AHCYL2: variants seen among roughly 807,000 people sequenced by gnomAD.
AHCYL2 encodes the protein adenosylhomocysteinase like 2.
AHCYL2 carries 28 observed loss-of-function variants against 81.4 expected under a neutral mutation model. The ratio of observed to expected loss-of-function variants is 0.34; its 90% CI spans 0.25 to 0.47. The LOEUF is 0.47. Among genes scored for constraint, AHCYL2 ranks in the 20% least tolerant of loss-of-function variants. The probability of loss-of-function intolerance (pLI) is 1.00; values close to 1 mark genes in which losing one functional copy is unlikely to be tolerated. For synonymous variants in AHCYL2, 272 were observed against 290.2 expected (o/e 0.94, Z 0.64); for missense variants, 551 against 785.1 (o/e 0.70, Z 3.56).
At chr7:129,411,452 A>AT (rs1177716833) in intron 11 of AHCYL2, among the ~76,000 whole-genome samples, 7 of 152,094 alleles carry the variant, frequency 4.6e-5, no homozygotes, top group Admixed American at 6.5e-5. Flanking sequence ...AAAAATAATA[A>AT]TTTTTTTTAA....
chr7:129,252,071 G>T (rs545849621), intron 1 of AHCYL2, among the ~76,000 whole-genome samples: 2 of 151,902 alleles, frequency 1.3e-5, no homozygotes, highest in Non-Finnish European at 2.9e-5. Context: ...TCTGATTATC[G>T]AGCTGAGCCC....
At chr7:129,389,011 G>C (rs1456950674) in intron 2 of AHCYL2, 45 bp from the exon 3 acceptor site, 1 of 1,581,940 alleles carries the variant, frequency 6.3e-7, no homozygotes, top group Admixed American at 1.9e-5. Flanking sequence ...AATTTTAGAG[G>C]AAGCATTTTT....
chr7:129,238,637 C>CT (rs1323144210), intron 1 of AHCYL2, among the ~76,000 whole-genome samples: 2 of 151,954 alleles, frequency 1.3e-5, no homozygotes, highest in Admixed American at 6.6e-5. Flanking sequence ...GAGGTGAAAC[C>CT]CAAGAGGTTT....
chr7:129,232,421 G>A (rs1020974701), intron 1 of AHCYL2, among the ~76,000 whole-genome samples: 1 of 152,142 alleles, frequency 6.6e-6, no homozygotes, highest in Non-Finnish European at 1.5e-5. Context: ...GCCAACACCC[G>A]TGCTGCTCTG....
chr7:129,330,346 C>T (rs1798373986), intron 1 of AHCYL2, among the ~76,000 whole-genome samples: 1 of 151,568 alleles, frequency 6.6e-6, no homozygotes, highest in South Asian at 2.1e-4. Flanking sequence ...AATAAAGTAA[C>T]AAAAGAATGA....
intron 1 of AHCYL2, among the ~76,000 whole-genome samples, chr7:129,332,162 G>A (rs1032796850): frequency 2.6e-5 from 4 of 152,210 alleles, no homozygotes; most frequent in African/African-American, 9.6e-5. Flanking sequence ...TGTCAGCAGT[G>A]GAAATAGTTG....
chr7:129,232,481 A>G (rs1470221048), intron 1 of AHCYL2, among the ~76,000 whole-genome samples: 3 of 152,126 alleles, frequency 2.0e-5, no homozygotes, highest in African/African-American at 4.8e-5. Flanking sequence ...ACCACTTTGG[A>G]TCTCACAATC....
chr7:129,366,074 T>C (rs1460121165), intron 1 of AHCYL2, among the ~76,000 whole-genome samples: 1 of 152,168 alleles, frequency 6.6e-6, no homozygotes, highest in African/African-American at 2.4e-5. Flanking sequence ...TTATCAGAGT[T>C]GACACTCTGA....
intron 1 of AHCYL2, among the ~76,000 whole-genome samples, chr7:129,309,100 C>T (rs556714196): frequency 4.6e-5 from 7 of 152,122 alleles, no homozygotes; most frequent in South Asian, 4.1e-4. Context: ...GGCGTGGCGG[C>T]GGGCACCTGT....
intron 1 of AHCYL2, among the ~76,000 whole-genome samples, chr7:129,270,494 C>T (rs1277057227): frequency 1.3e-5 from 2 of 152,138 alleles, no homozygotes; most frequent in African/African-American, 4.8e-5. Flanking sequence ...GGAAAGAACA[C>T]TCAAGATTCC....
intron 1 of AHCYL2, among the ~76,000 whole-genome samples, chr7:129,332,204 T>C (rs1401085235): frequency 6.6e-6 from 1 of 150,456 alleles, no homozygotes. Flanking sequence ...TTTTGTCTCT[T>C]CTTTTATTAT....
chr7:129,344,908 A>G (rs185637603), intron 1 of AHCYL2, among the ~76,000 whole-genome samples: 1 of 152,306 alleles, frequency 6.6e-6, no homozygotes, highest in Admixed American at 6.5e-5. Context: ...TAATCCCAGC[A>G]CTTTGGGAGG....
At chr7:129,383,786 G>T (rs942578787) in intron 2 of AHCYL2, among the ~76,000 whole-genome samples, 1 of 151,970 alleles carries the variant, frequency 6.6e-6, no homozygotes, top group African/African-American at 2.4e-5. Context: ...CGAGACCTTT[G>T]TACCTGTTCC....
chr7:129,352,761 G>A (rs946135105), intron 1 of AHCYL2, among the ~76,000 whole-genome samples: 1 of 151,876 alleles, frequency 6.6e-6, no homozygotes, highest in African/African-American at 2.4e-5. Flanking sequence ...TATCTCATTG[G>A]TCTTCCCTTC....
chr7:129,273,406 G>A (rs79231686), intron 1 of AHCYL2, among the ~76,000 whole-genome samples: 35,602 of 133,168 alleles, frequency 0.27, 4,358 homozygotes, highest in South Asian at 0.4. Flanking sequence ...TTGGCTCACC[G>A]CAACCTCTGC....
chr7:129,302,903 T>C (rs1004036580), intron 1 of AHCYL2, among the ~76,000 whole-genome samples: 2 of 152,212 alleles, frequency 1.3e-5, no homozygotes, highest in Admixed American at 6.5e-5. Context: ...ACCTCCATTT[T>C]TTGGAATTGT....
intron 1 of AHCYL2, among the ~76,000 whole-genome samples, chr7:129,244,522 A>G (rs545329626): frequency 7.2e-4 from 109 of 152,308 alleles, no homozygotes; most frequent in African/African-American, 2.4e-3. Flanking sequence ...ATCAGATTCA[A>G]TGTCTGGTGT....
intron 1 of AHCYL2, among the ~76,000 whole-genome samples, chr7:129,374,773 C>CTCCA (rs1794592748): frequency 6.7e-6 from 1 of 148,282 alleles, no homozygotes; most frequent in Admixed American, 6.8e-5. Flanking sequence ...CATCATTGCA[C>CTCCA]TCCAGCCTGG....
intron 1 of AHCYL2, among the ~76,000 whole-genome samples, chr7:129,346,993 T>C (rs536496961): frequency 2.6e-4 from 39 of 152,262 alleles, no homozygotes; most frequent in African/African-American, 7.7e-4. Context: ...AAACATATGA[T>C]AGAAGCTGAA....
Sources: allele counts gnomAD v4.1 joint callset (sites outside exome capture counted in the v4.1 genomes callset), GRCh38; gene constraint gnomAD v4.1.1; transcripts MANE v1.5; gene names NCBI Gene and HGNC (gene_info 2026-07-23, HGNC 2026-07-21).